Variants in PARD3 observed in about 807,000 individuals in gnomAD.
PARD3 encodes the protein partitioning defective 3 homolog.
A neutral mutation model predicts 155.4 loss-of-function variants in PARD3; 75 were observed. That is an observed-to-expected ratio of 0.48 (90% CI 0.40 to 0.58). The LOEUF (loss-of-function observed/expected upper bound fraction) is 0.58, where lower values mean the gene tolerates loss of function less well. Ranked by LOEUF, PARD3 falls within the 20% of genes least tolerant of loss-of-function variation. The pLI is 0.00. For missense variants in PARD3, 1,642 were observed against 1,721.7 expected (o/e 0.95, Z 0.82); for synonymous variants, 576 against 610.5 (o/e 0.94, Z 0.83).
intron 2 of PARD3, among the ~76,000 whole-genome samples, chr10:34,564,476 T>C (rs540249874): frequency 1.7e-3 from 255 of 152,324 alleles, no homozygotes; most frequent in Non-Finnish European, 2.4e-3. Flanking sequence ...ACACAGGTCT[T>C]GCTCACAAGT....
At chr10:34,227,853 T>TA (rs1446879179) in intron 22 of PARD3, among the ~76,000 whole-genome samples, 638 of 61,262 alleles carry the variant, frequency 0.01, 36 homozygotes, top group African/African-American at 0.045. Context: ...TGGGAATTAT[T>TA]TTTTATATAT....
chr10:34,176,087 A>G (rs191479396), intron 22 of PARD3, among the ~76,000 whole-genome samples: 9 of 152,320 alleles, frequency 5.9e-5, no homozygotes, highest in Admixed American at 1.3e-4. Context: ...AAAAGTGATC[A>G]TTCTAATTTG....
chr10:34,676,460 T>C (rs1002570417), intron 2 of PARD3, among the ~76,000 whole-genome samples: 4 of 152,126 alleles, frequency 2.6e-5, no homozygotes, highest in Non-Finnish European at 4.4e-5. Context: ...CTACCCGCAA[T>C]GTCCCCATCC....
intron 22 of PARD3, among the ~76,000 whole-genome samples, chr10:34,189,962 T>C (rs58909678): frequency 0.02 from 3,122 of 152,320 alleles, 149 homozygotes; most frequent in East Asian, 0.2. Flanking sequence ...AAGATTTCTG[T>C]TATCTTTTTT....
chr10:34,781,493 G>A (rs1284561661), intron 1 of PARD3, among the ~76,000 whole-genome samples: 2 of 152,202 alleles, frequency 1.3e-5, no homozygotes, highest in African/African-American at 4.8e-5. Context: ...GAAAATGAAC[G>A]AAAGAAAACT....
chr10:34,568,511 TAA>T (rs773462001), intron 2 of PARD3, among the ~76,000 whole-genome samples: 20 of 152,150 alleles, frequency 1.3e-4, no homozygotes, highest in South Asian at 2.1e-4. Flanking sequence ...TTTATAGAAA[TAA>T]GATATAAAAA....
chr10:34,725,155 G>GTGAC (rs2094684752), intron 1 of PARD3, among the ~76,000 whole-genome samples: 3 of 35,626 alleles, frequency 8.4e-5, no homozygotes. Flanking sequence ...GTGTGTGACA[G>GTGAC]AGAGAGAGAG....
At chr10:34,143,450 G>T (rs1214659389) in intron 22 of PARD3, among the ~76,000 whole-genome samples, 3 of 152,150 alleles carry the variant, frequency 2.0e-5, no homozygotes, top group Non-Finnish European at 4.4e-5. Context: ...TTCAGGCATA[G>T]AAACTAATTA....
intron 19 of PARD3, among the ~76,000 whole-genome samples, chr10:34,319,172 T>C (rs1958219007): frequency 6.7e-6 from 1 of 148,230 alleles, no homozygotes; most frequent in African/African-American, 2.5e-5. Context: ...CACTGCAATC[T>C]CCACCTCCCG....
intron 4 of PARD3, among the ~76,000 whole-genome samples, chr10:34,461,087 T>C (rs982557403): frequency 2.0e-5 from 3 of 152,126 alleles, no homozygotes; most frequent in Non-Finnish European, 4.4e-5. Flanking sequence ...CTGGAACACA[T>C]TTCTCCAAAG....
intron 13 of PARD3, 69 bp downstream of exon 13, chr10:34,360,002 C>T: frequency 8.1e-7 from 1 of 1,234,552 alleles, no homozygotes; most frequent in South Asian, 1.3e-5. Flanking sequence ...TATATGTTTC[C>T]AAAATAGGAA....
At position 34,480,863 on chromosome 10, in the gene PARD3, G is replaced by A. The variant is rs564059285; in HGVS notation, c.404-10600C>T. Reference sequence around the variant, plus strand: ...TGTCACCAGCCTGGAGTGCAGTGGCGCGATATCGGCTCACTGCAACCTCCG... The same window carrying A: ...TGTCACCAGCCTGGAGTGCAGTGGCACGATATCGGCTCACTGCAACCTCCG... On this transcript the variant is annotated intron_variant, in intron 3 of 24. Coordinates refer to ENST00000374788, the MANE Select transcript of PARD3 (RefSeq NM_001184785.2). Among the ~76,000 whole-genome samples the A allele has an allele frequency of 2.8e-3, 412 of 145,612 alleles. 2 individuals carry two copies. The highest frequency in any genetic ancestry group is 4.1e-3 in the Non-Finnish European group (273 of 67,132).
rs569731112 is a variant in PARD3, at chr10:34,517,175, A to G, written c.223-16T>C. ...CTGCTACCAGCTAGAAATGAAAGGTAAATGTGCACTTATAAATAAAGGCAC... is the reference window on the plus strand; with the variant it reads ...CTGCTACCAGCTAGAAATGAAAGGTGAATGTGCACTTATAAATAAAGGCAC... On this transcript the variant is annotated splice_polypyrimidine_tract_variant and intron_variant, in intron 2 of 24. Transcript: ENST00000374788. 1 of 1,608,704 alleles carries G rather than the reference A, an allele frequency of 6.2e-7. No homozygotes were observed. The highest frequency in any genetic ancestry group is 1.3e-5 in the African/African-American group (1 of 74,766).
At chr10:34,481,527 A>G (rs922107047) in intron 3 of PARD3, among the ~76,000 whole-genome samples, 4 of 152,208 alleles carry the variant, frequency 2.6e-5, no homozygotes, top group African/African-American at 9.6e-5. Context: ...AGTACAGTTC[A>G]GGGGAAAAGT....
At chr10:34,740,358 T>C (rs2094986648) in intron 1 of PARD3, among the ~76,000 whole-genome samples, 1 of 152,204 alleles carries the variant, frequency 6.6e-6, no homozygotes, top group South Asian at 2.1e-4. Context: ...GGATAAAAAA[T>C]GGATCAGTGC....
intron 3 of PARD3, among the ~76,000 whole-genome samples, chr10:34,491,912 A>G (rs112107780): frequency 0.014 from 2,191 of 152,326 alleles, 49 homozygotes; most frequent in African/African-American, 0.047. Flanking sequence ...GGGGGGAAAA[A>G]AAATGAAAAC....
At chr10:34,366,497 T>A (rs1333684770) in intron 12 of PARD3, among the ~76,000 whole-genome samples, 2 of 152,100 alleles carry the variant, frequency 1.3e-5, no homozygotes, top group African/African-American at 4.8e-5. Context: ...GGGCAGGGGC[T>A]GTTGCTTGGG....
intron 22 of PARD3, among the ~76,000 whole-genome samples, chr10:34,219,332 A>G (rs780154203): frequency 1.3e-4 from 20 of 152,236 alleles, no homozygotes; most frequent in Non-Finnish European, 5.9e-5. Flanking sequence ...CCATTAGCAG[A>G]AAGAAAATAA....
chr10:34,346,371 A>G (rs1295258119), intron 15 of PARD3: 1 of 1,312,636 alleles, frequency 7.6e-7, no homozygotes, highest in Non-Finnish European at 1.0e-6. Flanking sequence ...CCTCTGAAGC[A>G]TCAGGGATTG....
Sources: allele counts gnomAD v4.1 joint callset (sites outside exome capture counted in the v4.1 genomes callset), GRCh38; gene constraint gnomAD v4.1.1; transcripts MANE v1.5; gene names NCBI Gene and HGNC (gene_info 2026-07-23, HGNC 2026-07-21).